CAMTA1: variants seen among roughly 807,000 people sequenced by gnomAD.
The protein encoded by CAMTA1 is calmodulin binding transcription activator 1.
In CAMTA1, 27 loss-of-function variants were observed where a neutral mutation model predicts 170.9. The ratio of observed to expected loss-of-function variants is 0.16; its 90% CI spans 0.12 to 0.22. The LOEUF is 0.22. Among genes scored for constraint, CAMTA1 ranks in the 10% least tolerant of loss-of-function variants. The pLI is 1.00. For synonymous variants in CAMTA1, 833 were observed against 891.5 expected (o/e 0.93, Z 1.17); for missense variants, 1,619 against 2,217.2 (o/e 0.73, Z 5.42).
intron 4 of CAMTA1, among the ~76,000 whole-genome samples, chr1:7,140,957 C>G (rs960717081): frequency 2.6e-5 from 4 of 152,122 alleles, no homozygotes; most frequent in Non-Finnish European, 5.9e-5. Context: ...TCTCTGCTAC[C>G]TTTTCTTCCT....
At chr1:6,882,130 A>G (rs1045559343) in intron 3 of CAMTA1, among the ~76,000 whole-genome samples, 2 of 152,080 alleles carry the variant, frequency 1.3e-5, no homozygotes, top group Non-Finnish European at 2.9e-5. Flanking sequence ...TAAGTGGTTG[A>G]AAAAAAATCA....
chr1:7,346,808 C>T (rs540078992), intron 5 of CAMTA1, among the ~76,000 whole-genome samples: 1 of 152,238 alleles, frequency 6.6e-6, no homozygotes, highest in South Asian at 2.1e-4. Flanking sequence ...GTGGCACCCC[C>T]AGCAGAGACC....
intron 5 of CAMTA1, among the ~76,000 whole-genome samples, chr1:7,318,450 A>C (rs1254016504): frequency 6.6e-6 from 1 of 152,192 alleles, no homozygotes; most frequent in Non-Finnish European, 1.5e-5. Flanking sequence ...AGCCATTTTC[A>C]GGGGATATTT....
chr1:7,208,708 G>A (rs1658208003), intron 4 of CAMTA1, among the ~76,000 whole-genome samples: 1 of 152,206 alleles, frequency 6.6e-6, no homozygotes, highest in Non-Finnish European at 1.5e-5. Flanking sequence ...CTTGAAGAGT[G>A]GGAAGGCTTT....
At chr1:7,288,673 A>G (rs1454633400) in intron 5 of CAMTA1, among the ~76,000 whole-genome samples, 2 of 152,222 alleles carry the variant, frequency 1.3e-5, no homozygotes, top group Non-Finnish European at 2.9e-5. Flanking sequence ...ACTGGGGAAG[A>G]GGACTGAAAG....
chr1:6,883,667 C>T (rs1672274254), intron 3 of CAMTA1, among the ~76,000 whole-genome samples: 1 of 151,840 alleles, frequency 6.6e-6, no homozygotes, highest in African/African-American at 2.4e-5. Context: ...GGAATAGGAT[C>T]GAGGAGTTGT....
At chr1:7,473,834 A>G (rs1294663402) in intron 6 of CAMTA1, among the ~76,000 whole-genome samples, 1 of 152,230 alleles carries the variant, frequency 6.6e-6, no homozygotes, top group Non-Finnish European at 1.5e-5. Flanking sequence ...GTTTTTCTCC[A>G]CTGACGCCGG....
chr1:7,617,297 G>A (rs535564826), intron 6 of CAMTA1, among the ~76,000 whole-genome samples: 110 of 152,322 alleles, frequency 7.2e-4, no homozygotes, highest in Non-Finnish European at 1.4e-3. Context: ...CCAGCTCAGC[G>A]GGGGAAGAGA....
intron 4 of CAMTA1, among the ~76,000 whole-genome samples, chr1:7,236,692 C>G (rs551063884): frequency 1.3e-5 from 2 of 152,182 alleles, no homozygotes; most frequent in Non-Finnish European, 2.9e-5. Context: ...GGGCCCTCCC[C>G]GGCACCTGGC....
chr1:6,830,106 C>T (rs917373586), intron 3 of CAMTA1, among the ~76,000 whole-genome samples: 4 of 150,198 alleles, frequency 2.7e-5, no homozygotes, highest in South Asian at 2.1e-4. Context: ...GCGCGATCTC[C>T]GCTCACTGCA....
intron 11 of CAMTA1, among the ~76,000 whole-genome samples, chr1:7,699,872 GTTCT>G (rs2096419493): frequency 6.6e-6 from 1 of 152,038 alleles, no homozygotes. Flanking sequence ...TAAAAACTGG[GTTCT>G]TTGCTTTTTA....
chr1:7,111,809 C>T (rs928757753), intron 4 of CAMTA1, among the ~76,000 whole-genome samples: 3 of 148,732 alleles, frequency 2.0e-5, no homozygotes, highest in East Asian at 2.1e-4. Context: ...CACTTGAACC[C>T]GGGAGGTGCA....
At chr1:6,885,715 A>G (rs914688290) in intron 3 of CAMTA1, among the ~76,000 whole-genome samples, 1 of 152,202 alleles carries the variant, frequency 6.6e-6, no homozygotes, top group East Asian at 1.9e-4. Context: ...ATGTAGATGC[A>G]GGTGAAAGCA....
intron 4 of CAMTA1, among the ~76,000 whole-genome samples, chr1:7,223,271 TCCCTA>T (rs1661141783): frequency 6.6e-6 from 1 of 151,870 alleles, no homozygotes. Context: ...ATTCAGTGTC[TCCCTA>T]CCCTAAACTT....
intron 5 of CAMTA1, among the ~76,000 whole-genome samples, chr1:7,466,256 G>A (rs2093208775): frequency 6.6e-6 from 1 of 152,188 alleles, no homozygotes; most frequent in Admixed American, 6.5e-5. Context: ...AGTCAAGAAA[G>A]AATATTGCTT....
chr1:7,390,099 G>A lies in CAMTA1; in HGVS notation c.439-77731G>A, dbSNP rs568174450. On this transcript the variant is annotated intron_variant, in intron 5 of 22. Transcript: ENST00000303635. ...CTCTGGGTGCAGGAGCCAAGAGCCC[G>A]GGCGACGGCGCAGGGCTGGTTCCTT... is the stretch of plus-strand genomic sequence containing the variant. Among the ~76,000 whole-genome samples, 27 of 152,278 alleles carry A rather than the reference G, an allele frequency of 1.8e-4. 1 individual carries two copies. The East Asian group carries it at 4.8e-3, about 27-fold the overall frequency.
intron 1 of CAMTA1, among the ~76,000 whole-genome samples, chr1:6,789,290 C>T (rs533541391): frequency 5.1e-4 from 78 of 152,240 alleles, no homozygotes; most frequent in Non-Finnish European, 9.9e-4. Context: ...TAGGCTCTGG[C>T]GATTTTAGGC....
intron 3 of CAMTA1, among the ~76,000 whole-genome samples, chr1:6,849,461 C>T (rs1326611128): frequency 2.0e-5 from 3 of 151,432 alleles, no homozygotes; most frequent in African/African-American, 7.3e-5. Context: ...AGAGAGGGGA[C>T]ATAGAAAGGA....
At chr1:7,461,103 T>C (rs1207458080) in intron 5 of CAMTA1, among the ~76,000 whole-genome samples, 1 of 152,216 alleles carries the variant, frequency 6.6e-6, no homozygotes, top group Admixed American at 6.5e-5. Flanking sequence ...GTATTATCCT[T>C]GCATTAGAGA....
Sources: allele counts gnomAD v4.1 joint callset (sites outside exome capture counted in the v4.1 genomes callset), GRCh38; gene constraint gnomAD v4.1.1; transcripts MANE v1.5; gene names NCBI Gene and HGNC (gene_info 2026-07-23, HGNC 2026-07-21).